Variants in EEFSEC observed in about 807,000 individuals in gnomAD.
EEFSEC encodes selenocysteine-specific elongation factor.
EEFSEC carries 43 observed loss-of-function variants against 42.1 expected under a neutral mutation model. That is an observed-to-expected ratio of 1.02 (90% confidence interval 0.80 to 1.32). The LOEUF (loss-of-function observed/expected upper bound fraction) is 1.32. Among genes scored for constraint, EEFSEC ranks in the 40% most tolerant of loss-of-function variants. The pLI, the probability that EEFSEC is intolerant of heterozygous loss-of-function variation, is 0.00. For missense variants in EEFSEC, 745 were observed against 803.6 expected (o/e 0.93, Z 0.88); for synonymous variants, 354 against 339.1 (o/e 1.04, Z -0.48).
In EEFSEC at chr3:128,246,906, A is replaced by G. The variant is rs2066134432; in HGVS notation, c.387A>G (p.Glu129=). The G allele has an allele frequency of 6.2e-7, 1 of 1,614,214 alleles. No individual in the cohort carries two copies. ...VTKGMQTQSA[E]CLVIGQIACQ... ...AGGGGATGCAGACCCAGTCAGCGGAATGCCTTGTGATCGGCCAGATTGCCT... is the reference window on the plus strand; with the variant it reads ...AGGGGATGCAGACCCAGTCAGCGGAGTGCCTTGTGATCGGCCAGATTGCCT... Residue 129 remains glutamate, a synonymous_variant, in exon 2 of 7, where the codon GAA becomes GAG. Coordinates refer to ENST00000254730, the MANE Select transcript of EEFSEC (RefSeq NM_021937.5).
chr3:128,269,335 T>C (rs1012671126), intron 4 of EEFSEC, among the ~76,000 whole-genome samples: 50 of 152,260 alleles, frequency 3.3e-4, no homozygotes, highest in Non-Finnish European at 7.1e-4. Context: ...GTGGCCATGC[T>C]GCTGTGCTTT....
intron 6 of EEFSEC, among the ~76,000 whole-genome samples, chr3:128,398,275 G>A (rs1400919256): frequency 3.3e-5 from 5 of 152,004 alleles, no homozygotes; most frequent in East Asian, 1.9e-4. Flanking sequence ...GCCTTGTGCC[G>A]AGAGAGCCAA....
At chr3:128,388,724 C>T (rs1056903057) in intron 6 of EEFSEC, among the ~76,000 whole-genome samples, 1 of 152,250 alleles carries the variant, frequency 6.6e-6, no homozygotes, top group African/African-American at 2.4e-5. Flanking sequence ...GTGGTGCCGG[C>T]CAGAGCGTCT....
At chr3:128,182,828 C>T (rs920893077) in intron 1 of EEFSEC, among the ~76,000 whole-genome samples, 24 of 140,320 alleles carry the variant, frequency 1.7e-4, no homozygotes, top group African/African-American at 2.8e-4. Flanking sequence ...AGAGACCTGG[C>T]GACCACTGTG....
At chr3:128,374,294 C>T (rs1355451765) in intron 6 of EEFSEC, among the ~76,000 whole-genome samples, 2 of 152,228 alleles carry the variant, frequency 1.3e-5, no homozygotes, top group African/African-American at 4.8e-5. Flanking sequence ...ATGTTTTCCC[C>T]TCGCCTCCAA....
chr3:128,320,649 T>C lies in EEFSEC; in HGVS notation c.787-20584T>C, dbSNP rs547301741. On this transcript the variant is annotated intron_variant, in intron 4 of 6. Coordinates refer to ENST00000254730, the MANE Select transcript of EEFSEC (RefSeq NM_021937.5). Reference sequence around the variant, plus strand: ...ATCAATTGCTCATTTACTGAACTGTTGTTAGCACTGGCAGCGTACCAGGCC... The same window carrying C: ...ATCAATTGCTCATTTACTGAACTGTCGTTAGCACTGGCAGCGTACCAGGCC... 4.6e-5 allele frequency among the ~76,000 whole-genome samples: 7 copies of C among 152,338 alleles called. No individual in the cohort carries two copies. In the East Asian group the frequency reaches 1.3e-3, roughly 29 times the overall value.
chr3:128,158,575 T>G (rs1049282170), intron 1 of EEFSEC, among the ~76,000 whole-genome samples: 7 of 152,252 alleles, frequency 4.6e-5, no homozygotes, highest in Non-Finnish European at 1.0e-4. Flanking sequence ...AAAAAGATTA[T>G]GACTTGCTGA....
intron 1 of EEFSEC, among the ~76,000 whole-genome samples, chr3:128,210,434 T>C (rs868724703): frequency 2.0e-5 from 3 of 152,298 alleles, no homozygotes; most frequent in Admixed American, 6.5e-5. Context: ...AGAGAACTGA[T>C]TTTAGAGCCA....
intron 5 of EEFSEC, 140 bp downstream of exon 5, chr3:128,342,029 C>T (rs1269147759): frequency 8.3e-7 from 1 of 1,204,982 alleles, no homozygotes; most frequent in Non-Finnish European, 1.1e-6. Context: ...CTGTACAAGG[C>T]ATCTGATGCC....
At chr3:128,225,141 A>T (rs756714685) in intron 1 of EEFSEC, among the ~76,000 whole-genome samples, 5 of 152,224 alleles carry the variant, frequency 3.3e-5, no homozygotes, top group Non-Finnish European at 5.9e-5. Flanking sequence ...TCTTTTCTGG[A>T]AGACAGGGCT....
At chr3:128,245,916 C>A (rs2066122048) in intron 1 of EEFSEC, among the ~76,000 whole-genome samples, 1 of 152,168 alleles carries the variant, frequency 6.6e-6, no homozygotes, top group Non-Finnish European at 1.5e-5. Context: ...AGAGCAGTCT[C>A]CTCTGCATTG....
At chr3:128,192,586 T>C (rs1206958465) in intron 1 of EEFSEC, among the ~76,000 whole-genome samples, 1 of 152,244 alleles carries the variant, frequency 6.6e-6, no homozygotes, top group Non-Finnish European at 1.5e-5. Flanking sequence ...TACACTCTTC[T>C]GCCAATTTTA....
At chr3:128,379,626 G>T (rs1277101372) in intron 6 of EEFSEC, among the ~76,000 whole-genome samples, 2 of 152,244 alleles carry the variant, frequency 1.3e-5, no homozygotes, top group Non-Finnish European at 2.9e-5. Context: ...CCTTCACTGT[G>T]GCTGTCATGT....
intron 6 of EEFSEC, among the ~76,000 whole-genome samples, chr3:128,405,907 G>C (rs2068103840): frequency 6.6e-6 from 1 of 152,226 alleles, no homozygotes; most frequent in South Asian, 2.1e-4. Flanking sequence ...CTCCTTGGCA[G>C]GCAGGGTATG....
intron 1 of EEFSEC, among the ~76,000 whole-genome samples, chr3:128,222,029 T>TG (rs548251999): frequency 0.12 from 14,299 of 120,964 alleles, 2,689 homozygotes; most frequent in East Asian, 0.42. Flanking sequence ...TTCAAAGTTT[T>TG]TTTTTTTTTT....
intron 1 of EEFSEC, among the ~76,000 whole-genome samples, chr3:128,163,090 C>G (rs1376881878): frequency 6.6e-6 from 1 of 152,128 alleles, no homozygotes; most frequent in African/African-American, 2.4e-5. Context: ...CTCAACCAGG[C>G]TGGGGATGAG....
intron 6 of EEFSEC, among the ~76,000 whole-genome samples, chr3:128,385,611 A>C (rs2067829273): frequency 6.6e-6 from 1 of 152,218 alleles, no homozygotes; most frequent in African/African-American, 2.4e-5. Flanking sequence ...ACTAACATTT[A>C]CTACATGCCC....
chr3:128,310,931 G>A (rs2108019498), intron 4 of EEFSEC, among the ~76,000 whole-genome samples: 1 of 152,328 alleles, frequency 6.6e-6, no homozygotes, highest in African/African-American at 2.4e-5. Context: ...GCAGTGGCTG[G>A]GGAGGCCTTC....
intron 4 of EEFSEC, among the ~76,000 whole-genome samples, chr3:128,331,246 C>T (rs2067128099): frequency 1.9e-5 from 1 of 53,162 alleles, no homozygotes; most frequent in Non-Finnish European, 4.1e-5. Context: ...TGCATCTCCC[C>T]TCTTCCCCCC....
Sources: allele counts gnomAD v4.1 joint callset (sites outside exome capture counted in the v4.1 genomes callset), GRCh38; gene constraint gnomAD v4.1.1; transcripts MANE v1.5; gene names NCBI Gene and HGNC (gene_info 2026-07-23, HGNC 2026-07-21).